The following QPRT variants were observed in gnomAD, a reference collection of about 807,000 sequenced individuals.
QPRT encodes quinolinate phosphoribosyltransferase.
In QPRT, 17 loss-of-function variants were observed where a neutral mutation model predicts 19.8. The ratio of observed to expected loss-of-function variants is 0.86; its 90% CI spans 0.59 to 1.29. The LOEUF is 1.29. Among genes scored for constraint, QPRT ranks in the 50% most tolerant of loss-of-function variants. The pLI, the probability that QPRT is intolerant of heterozygous loss-of-function variation, is 0.00. For synonymous variants in QPRT, 178 were observed against 191.0 expected, an observed-to-expected ratio of 0.93 and a Z score of 0.56; for missense variants, 336 against 405.1, an observed-to-expected ratio of 0.83 and a Z score of 1.46.
At chr16:29,686,189 C>T (rs1053288049) in intron 1 of QPRT, among the ~76,000 whole-genome samples, 9 of 152,118 alleles carry the variant, frequency 5.9e-5, no homozygotes, top group Non-Finnish European at 8.8e-5. Context: ...ATGGCTTCTG[C>T]GATCTGGCCA....
intron 1 of QPRT, among the ~76,000 whole-genome samples, chr16:29,686,941 T>C (rs1050904957): frequency 2.0e-5 from 3 of 152,256 alleles, no homozygotes; most frequent in African/African-American, 7.2e-5. Context: ...GCACCTGCAC[T>C]GTGTGGGGTG....
At position 29,681,493 on chromosome 16, in the gene QPRT, C is replaced by CTTT. The variant is rs10680462; in HGVS notation, c.13+2302_13+2304dup. Among the ~76,000 whole-genome samples the CTTT allele has an allele frequency of 5.1e-3, 491 of 97,088 alleles. 42 individuals carry two copies. The highest frequency in any genetic ancestry group is 0.043 in the South Asian group (118 of 2,714). The allele number at this position is 97,088 out of a possible 152,430, so 63.7% of individuals were successfully genotyped here. A position where few individuals can be genotyped will look rare whatever the true frequency, so the allele number is the denominator to read the frequency against. On this transcript the variant is annotated intron_variant, in intron 1 of 3. Coordinates refer to ENST00000395384, the MANE Select transcript of QPRT (RefSeq NM_014298.6). ...CCATAATTTTCATCAGATCCAGATT[C>CTTT]TTTTTTTTTTTTTTTTTTTTTGAGA... is the stretch of plus-strand genomic sequence containing the variant.
rs1191157158 is a variant in QPRT at position 29,697,210 on chromosome 16, C to G, written c.693C>G (p.Pro231=). The G allele has an allele frequency of 6.2e-7, 1 of 1,610,388 alleles. No individual in the cohort carries two copies. The highest frequency in any genetic ancestry group is 1.3e-5 in the African/African-American group (1 of 74,996). The change falls in exon 4 of 4, where the codon CCC becomes CCG. Residue 231 remains proline (P), a synonymous_variant. Transcript: ENST00000395384. This position sits in a 1 kb window ranked among gnomAD's most constrained non-coding sequence, Gnocchi z 4.4. Reference sequence around the variant, plus strand: ...CTTGTGTCCCGCAGGAGCTGCACCCCACGGCCACCGTGCTGAAGGCCCAGT... The same window carrying G: ...CTTGTGTCCCGCAGGAGCTGCACCCGACGGCCACCGTGCTGAAGGCCCAGT... ...LDNFKPEELH[P]TATVLKAQFP...
In QPRT at chr16:29,698,322, G is replaced by A. The variant is rs527893197; in HGVS notation, c.*911G>A. 14 of 152,332 alleles carry A rather than the reference G, an allele frequency of 9.2e-5. No homozygotes were observed. The highest frequency in any genetic ancestry group is 3.4e-4 in the African/African-American group (14 of 41,532). 9.4% of individuals were successfully genotyped at this position (152,332 alleles called of 1,614,324 possible). On this transcript the variant is annotated 3_prime_UTR_variant, in exon 4 of 4. Transcript: ENST00000395384. ...CTAGTTTACAAGACAGGAGGAAAGA[G>A]AGAAAGCAAAAAGTTAGAAAACAAA...
intron 1 of QPRT, among the ~76,000 whole-genome samples, chr16:29,692,001 GTGTGCGCGTGCT>G (rs1184883608): frequency 5.9e-5 from 9 of 152,208 alleles, no homozygotes; most frequent in African/African-American, 2.2e-4. Context: ...GAAGTGTGCT[GTGTGCGCGTGCT>G]TGTGCGTGTG....
chr16:29,682,960 C>T (rs944543560), intron 1 of QPRT, among the ~76,000 whole-genome samples: 10 of 151,268 alleles, frequency 6.6e-5, no homozygotes, highest in African/African-American at 2.4e-4. Context: ...CACTATATTG[C>T]ACAGGCTGGT....
intron 1 of QPRT, among the ~76,000 whole-genome samples, chr16:29,693,061 CAAA>C (rs1193202536): frequency 8.7e-4 from 91 of 104,078 alleles, no homozygotes; most frequent in Non-Finnish European, 1.4e-3. Context: ...GATTCTGTCT[CAAA>C]AAAAAAAAAA....
At chr16:29,679,084 G>A (rs371033269), upstream of QPRT, 55 of 1,592,134 alleles carry the variant, frequency 3.5e-5, no homozygotes, top group African/African-American at 5.2e-4. Flanking sequence ...GGGAAGGGCC[G>A]GCTGACAGCT....
At chr16:29,690,847 G>A (rs914448894) in intron 1 of QPRT, among the ~76,000 whole-genome samples, 2 of 151,992 alleles carry the variant, frequency 1.3e-5, no homozygotes, top group South Asian at 2.1e-4. Flanking sequence ...ATGCCACCAC[G>A]CCCGGCTAGT....
chr16:29,681,093 A>G (rs12599318), intron 1 of QPRT, among the ~76,000 whole-genome samples: 101,639 of 151,246 alleles, frequency 0.67, 34,886 homozygotes, highest in East Asian at 0.97. Context: ...ACCAGCTCTC[A>G]GGGGTCCCAT....
chr16:29,689,860 C>G (rs1967275086), intron 1 of QPRT, among the ~76,000 whole-genome samples: 1 of 151,304 alleles, frequency 6.6e-6, no homozygotes, highest in Non-Finnish European at 1.5e-5. Flanking sequence ...CGCGGACCCC[C>G]TTAGAGTTGT....
chr16:29,685,873 T>A (rs1318267563), intron 1 of QPRT, among the ~76,000 whole-genome samples: 1 of 151,978 alleles, frequency 6.6e-6, no homozygotes, highest in African/African-American at 2.4e-5. Flanking sequence ...AAGAAAATTT[T>A]TTTTGAGATG....
intron 1 of QPRT, among the ~76,000 whole-genome samples, chr16:29,690,470 C>T (rs1428754297): frequency 6.6e-6 from 1 of 152,004 alleles, no homozygotes; most frequent in East Asian, 1.9e-4. Context: ...AATTTACACT[C>T]CCACCAACAG....
intron 1 of QPRT, among the ~76,000 whole-genome samples, chr16:29,683,639 A>C (rs1967078204): frequency 6.6e-6 from 1 of 152,156 alleles, no homozygotes; most frequent in Admixed American, 6.6e-5. Context: ...GATTACAGGC[A>C]TGAGCCACCG....
intron 1 of QPRT, among the ~76,000 whole-genome samples, chr16:29,682,314 C>T (rs767921616): frequency 2.8e-4 from 43 of 151,854 alleles, no homozygotes; most frequent in Non-Finnish European, 6.0e-4. Context: ...GTTGGGATTA[C>T]AGGCATGAGC....
rs1008479219 is a variant in QPRT, at chr16:29,688,062, G to A, written c.14-6602G>A. On this transcript the variant is annotated intron_variant, in intron 1 of 3. Transcript: ENST00000395384. Reference sequence around the variant, plus strand: ...CAAAGAAAACCAGAACTAGACAGTCGTTAAAATAGCAAAAACATATTGCAT... The same window carrying A: ...CAAAGAAAACCAGAACTAGACAGTCATTAAAATAGCAAAAACATATTGCAT... Among the ~76,000 whole-genome samples, 4 of 152,148 alleles carry A rather than the reference G, an allele frequency of 2.6e-5. No homozygotes were observed. The South Asian group carries it at 6.2e-4, about 24-fold the overall frequency.
intron 1 of QPRT, among the ~76,000 whole-genome samples, chr16:29,683,255 G>C (rs1221398134): frequency 2.0e-5 from 3 of 151,346 alleles, no homozygotes. Context: ...TCGAACTCCT[G>C]ACCTAAGGTG....
intron 1 of QPRT, 63 bp downstream of exon 1, chr16:29,679,273 C>T: frequency 7.5e-7 from 1 of 1,336,848 alleles, no homozygotes; most frequent in Non-Finnish European, 1.1e-6. Context: ...CCCCTGCCCC[C>T]ACCCTGGCTT....
intron 1 of QPRT, among the ~76,000 whole-genome samples, chr16:29,683,362 T>C (rs556791263): frequency 6.6e-6 from 1 of 151,670 alleles, no homozygotes; most frequent in South Asian, 2.1e-4. Context: ...TGGTTCTTTT[T>C]TTTTTTTCCC....
Sources: allele counts gnomAD v4.1 joint callset (sites outside exome capture counted in the v4.1 genomes callset), GRCh38; gene constraint gnomAD v4.1.1; non-coding constraint Gnocchi (gnomAD v3.1); transcripts MANE v1.5; gene names NCBI Gene and HGNC (gene_info 2026-07-23, HGNC 2026-07-21).